The following EYS variants were observed in gnomAD, a reference collection of about 807,000 sequenced individuals.
The protein encoded by EYS is protein eyes shut homolog.
In EYS, 250 loss-of-function variants were observed where a neutral mutation model predicts 282.1. The ratio of observed to expected loss-of-function variants is 0.89; its 90% confidence interval spans 0.80 to 0.98. The LOEUF (loss-of-function observed/expected upper bound fraction) is 0.98, where lower values mean the gene tolerates loss of function less well. Ranked by LOEUF, EYS falls within the 50% of genes least tolerant of loss-of-function variation. The pLI is 0.00. For synonymous variants in EYS, 1,355 were observed against 1,282.9 expected (o/e 1.06, Z -1.20); for missense variants, 4,016 against 3,709.0 (o/e 1.08, Z -2.15).
intron 13 of EYS, among the ~76,000 whole-genome samples, chr6:65,021,577 G>A (rs1484202098): frequency 5.3e-5 from 8 of 152,108 alleles, no homozygotes; most frequent in African/African-American, 1.9e-4. Context: ...ACATTTTTCT[G>A]TCTTTTTCTG....
intron 28 of EYS, among the ~76,000 whole-genome samples, chr6:64,391,888 G>A (rs1773163822): frequency 6.6e-6 from 1 of 152,114 alleles, no homozygotes; most frequent in African/African-American, 2.4e-5. Flanking sequence ...CCCATCTCAT[G>A]TGCAGAGACA....
chr6:64,080,615 A>T (rs1243080053), intron 32 of EYS, among the ~76,000 whole-genome samples: 1 of 152,018 alleles, frequency 6.6e-6, no homozygotes, highest in East Asian at 1.9e-4. Context: ...GGTGTTTTAG[A>T]CATGAAGTCC....
chr6:65,393,020 T>C (rs1223919396), intron 7 of EYS, among the ~76,000 whole-genome samples: 3 of 152,230 alleles, frequency 2.0e-5, no homozygotes, highest in South Asian at 4.1e-4. Context: ...ATGTCCTTTG[T>C]AGAGACATGG....
chr6:64,749,666 G>A (rs1299623039), intron 22 of EYS, among the ~76,000 whole-genome samples: 1 of 152,072 alleles, frequency 6.6e-6, no homozygotes, highest in Non-Finnish European at 1.5e-5. Context: ...AAAACAGACT[G>A]CAGAAATTTG....
intron 22 of EYS, among the ~76,000 whole-genome samples, chr6:64,785,125 C>T (rs1773977512): frequency 6.6e-6 from 1 of 152,134 alleles, no homozygotes; most frequent in South Asian, 2.1e-4. Context: ...TCCTGAACTG[C>T]AATTTCAAGA....
chr6:65,228,366 C>T (rs1345451204), intron 12 of EYS, among the ~76,000 whole-genome samples: 1 of 151,972 alleles, frequency 6.6e-6, no homozygotes, highest in Admixed American at 6.6e-5. Context: ...TATAATATTT[C>T]AGTAACATTA....
At chr6:65,543,622 T>C (rs1364054536) in intron 2 of EYS, among the ~76,000 whole-genome samples, 2 of 152,004 alleles carry the variant, frequency 1.3e-5, no homozygotes, top group African/African-American at 4.8e-5. Context: ...TTGTAATCAC[T>C]TCAATCTTTG....
In EYS at chr6:64,734,708, G is replaced by A. The variant is rs115295097; in HGVS notation, c.3443+78670C>T. Reference sequence around the variant, plus strand: ...TACACTAGAAAGTGTGTATATGCTCGCACATGTGTCCACATGGGGAAGAGT... The same window carrying A: ...TACACTAGAAAGTGTGTATATGCTCACACATGTGTCCACATGGGGAAGAGT... On this transcript the variant is annotated intron_variant, in intron 22 of 42. Coordinates refer to ENST00000503581, the MANE Select transcript of EYS (RefSeq NM_001142800.2). 4.1e-3 allele frequency among the ~76,000 whole-genome samples: 628 copies of A among 152,256 alleles called. 7 individuals are homozygous for A. Among genetic ancestry groups the A allele is most frequent in the African/African-American group, 0.015 (609 of 41,566 alleles).
At chr6:64,060,509 C>T (rs932528775) in intron 33 of EYS, among the ~76,000 whole-genome samples, 1 of 152,190 alleles carries the variant, frequency 6.6e-6, no homozygotes. Context: ...TTACTAATAT[C>T]TTAATTTGAT....
chr6:64,588,504 G>C (rs1236298910), intron 26 of EYS, among the ~76,000 whole-genome samples: 2 of 151,974 alleles, frequency 1.3e-5, no homozygotes, highest in African/African-American at 4.8e-5. Flanking sequence ...TCTCCTCCCT[G>C]TCTGTTCTTA....
chr6:65,677,781 A>C (rs1163831849), intron 1 of EYS, among the ~76,000 whole-genome samples: 1 of 152,018 alleles, frequency 6.6e-6, no homozygotes, highest in Non-Finnish European at 1.5e-5. Flanking sequence ...TAGAGGGCTA[A>C]CTTCAAAACA....
At chr6:64,729,655 T>A (rs1023451992) in intron 22 of EYS, among the ~76,000 whole-genome samples, 1 of 152,218 alleles carries the variant, frequency 6.6e-6, no homozygotes, top group East Asian at 1.9e-4. Context: ...TGGTAAGTAG[T>A]TTGGTATAAA....
At chr6:63,972,645 C>T (rs921213057) in intron 35 of EYS, among the ~76,000 whole-genome samples, 1 of 152,056 alleles carries the variant, frequency 6.6e-6, no homozygotes, top group Non-Finnish European at 1.5e-5. Flanking sequence ...CACCCATCAA[C>T]CCATCATCTA....
intron 31 of EYS, among the ~76,000 whole-genome samples, chr6:64,193,778 G>T (rs1215564992): frequency 2.6e-5 from 4 of 152,010 alleles, no homozygotes; most frequent in Admixed American, 1.3e-4. Flanking sequence ...GCGTTAGTTT[G>T]CTCAGAATGG....
At position 63,763,789 on chromosome 6, in the gene EYS, C is replaced by G. The variant is rs1218035376; in HGVS notation, c.7899-1156G>C. Among the ~76,000 whole-genome samples the G allele has an allele frequency of 4.0e-5, 6 of 150,100 alleles. 1 individual carries two copies. In the South Asian group the frequency reaches 8.4e-4, roughly 21 times the overall value. The stretch of plus-strand genomic sequence containing the variant: ...GTTTCAAGTATGTCTTTATTAGCAG[C>G]CTGAGAACGGACTAATACATGTCCC... On this transcript the variant is annotated intron_variant, in intron 40 of 42. Transcript: ENST00000503581.
At chr6:64,024,604 C>G (rs190945785) in intron 33 of EYS, among the ~76,000 whole-genome samples, 94 of 152,208 alleles carry the variant, frequency 6.2e-4, no homozygotes, top group Non-Finnish European at 1.2e-3. Flanking sequence ...TGCTGCTCCT[C>G]ACTCTTTGGG....
Position 64,695,019 on chromosome 6 carries a change from G to A in EYS, c.3444-68774C>T, listed in dbSNP as rs148789843. ...CCCTCTTTCCCCATGCTGCATCTTTGGTTCATCAGTAGTTGCTGTGCTCTT... is the reference window on the plus strand; with the variant it reads ...CCCTCTTTCCCCATGCTGCATCTTTAGTTCATCAGTAGTTGCTGTGCTCTT... On this transcript the variant is annotated intron_variant, in intron 22 of 42. Transcript: ENST00000503581. 4.5e-4 allele frequency among the ~76,000 whole-genome samples: 68 copies of A among 152,042 alleles called. 1 individual carries two copies. The highest frequency in any genetic ancestry group is 8.1e-4 in the Non-Finnish European group (55 of 67,974).
At chr6:65,174,158 A>G (rs1456001951) in intron 12 of EYS, among the ~76,000 whole-genome samples, 1 of 151,308 alleles carries the variant, frequency 6.6e-6, no homozygotes, top group African/African-American at 2.4e-5. Flanking sequence ...GTAAATCTAC[A>G]TCTGTTTACA....
At chr6:63,862,612 G>A (rs1289125712) in intron 36 of EYS, among the ~76,000 whole-genome samples, 6 of 152,108 alleles carry the variant, frequency 3.9e-5, no homozygotes, top group African/African-American at 1.2e-4. Context: ...TATATGGTCA[G>A]TATTATTTTC....
Sources: allele counts gnomAD v4.1 joint callset (sites outside exome capture counted in the v4.1 genomes callset), GRCh38; gene constraint gnomAD v4.1.1; transcripts MANE v1.5; gene names NCBI Gene and HGNC (gene_info 2026-07-23, HGNC 2026-07-21).